CWH43: variants seen among roughly 807,000 people sequenced by gnomAD.
The protein encoded by CWH43 is PGAP2-interacting protein.
In CWH43, 91 loss-of-function variants were observed where a neutral mutation model predicts 85.7. The ratio of observed to expected loss-of-function variants is 1.06; its 90% CI spans 0.90 to 1.26. The LOEUF (loss-of-function observed/expected upper bound fraction) is 1.26. Among genes scored for constraint, CWH43 ranks in the 50% most tolerant of loss-of-function variants. The pLI is 0.00. For synonymous variants in CWH43, 323 were observed against 293.6 expected, an observed-to-expected ratio of 1.10 and a Z score of -1.02; for missense variants, 869 against 839.2, an observed-to-expected ratio of 1.04 and a Z score of -0.44.
At chr4:49,036,472 C>A (rs1231680235) in intron 12 of CWH43, among the ~76,000 whole-genome samples, 3 of 152,142 alleles carry the variant, frequency 2.0e-5, no homozygotes, top group African/African-American at 7.2e-5. Flanking sequence ...TTTAATAGCC[C>A]TCAGCTATTT....
chr4:49,040,371 A>G (rs1275747354), intron 13 of CWH43, among the ~76,000 whole-genome samples: 1 of 152,108 alleles, frequency 6.6e-6, no homozygotes, highest in Non-Finnish European at 1.5e-5. Flanking sequence ...AACAGTGTAA[A>G]AGTGTTCCTA....
rs143179470 is a variant in CWH43 at position 49,048,182 on chromosome 4, G to A, written c.1866-2512G>A. ...GTTTTAAAAAATGTTGGGAACCAAG[G>A]AACAGTGGTATTTATAGTAACTGGT... On this transcript the variant is annotated intron_variant, in intron 14 of 15. Coordinates refer to ENST00000226432, the MANE Select transcript of CWH43 (RefSeq NM_025087.3). 8.4e-3 allele frequency among the ~76,000 whole-genome samples: 1,280 copies of A among 152,124 alleles called. 3 individuals are homozygous for A. The highest frequency in any genetic ancestry group is 0.015 in the African/African-American group (628 of 41,498).
intron 9 of CWH43, among the ~76,000 whole-genome samples, chr4:49,024,628 C>T (rs1783846810): frequency 6.6e-6 from 1 of 152,110 alleles, no homozygotes; most frequent in Non-Finnish European, 1.5e-5. Flanking sequence ...TTGCTGGCTA[C>T]AAAATTCTTG....
chr4:49,017,503 G>T (rs1286228669), intron 9 of CWH43, among the ~76,000 whole-genome samples, 175 bp downstream of exon 9: 1 of 152,120 alleles, frequency 6.6e-6, no homozygotes, highest in Non-Finnish European at 1.5e-5. Context: ...TATGAAGTTG[G>T]GTTCTTGGAA....
chr4:49,051,405 A>T (rs1340347727), intron 15 of CWH43, among the ~76,000 whole-genome samples: 3 of 152,176 alleles, frequency 2.0e-5, no homozygotes, highest in African/African-American at 4.8e-5. Context: ...CTTTTAAAAA[A>T]TACCACTGCC....
At chr4:49,032,538 G>T (rs114894912) in intron 11 of CWH43, 28 bp from the exon 12 acceptor site, 7 of 1,612,658 alleles carry the variant, frequency 4.3e-6, no homozygotes, top group Non-Finnish European at 5.1e-6. Context: ...TGACAATGAT[G>T]CCCATGTCTC....
chr4:49,043,718 A>G (rs1343829263), intron 13 of CWH43, among the ~76,000 whole-genome samples: 1 of 152,188 alleles, frequency 6.6e-6, no homozygotes, highest in East Asian at 1.9e-4. Context: ...ACAAAATGAT[A>G]GTTAAATAGA....
intron 14 of CWH43, among the ~76,000 whole-genome samples, chr4:49,047,998 G>A (rs1255877055): frequency 6.6e-6 from 1 of 152,202 alleles, no homozygotes; most frequent in Non-Finnish European, 1.5e-5. Context: ...TGTTACGGTA[G>A]GAGAGAAGGT....
At chr4:49,027,074 T>C (rs1783939509) in intron 9 of CWH43, among the ~76,000 whole-genome samples, 2 of 152,236 alleles carry the variant, frequency 1.3e-5, no homozygotes, top group African/African-American at 2.4e-5. Context: ...AAATGATATA[T>C]GTCAATTTGG....
rs1440595471 is a variant in CWH43 at position 49,030,854 on chromosome 4, G to A, written c.1402G>A (p.Asp468Asn). 6.3e-7 allele frequency: 1 copy of A among 1,590,348 alleles called. No homozygotes were observed. Among genetic ancestry groups the A allele is most frequent in the Admixed American group, 1.8e-5 (1 of 54,056 alleles). The change falls in exon 11 of 16, where the codon GAT (aspartate) becomes AAT (asparagine). Residue 468 changes from aspartate (D) to asparagine (N), a missense_variant. Coordinates refer to ENST00000226432, the MANE Select transcript of CWH43 (RefSeq NM_025087.3). ...GADFITILES[D>N]ASKPYMGNND... ...AGATTTCATAACAATTTTGGAGAGT[G>A]ATGCTTCTAAGCCCTATATGGGGAA...
chr4:49,017,195 T>G (rs1783576521), intron 8 of CWH43, 54 bp from the exon 9 acceptor site: 3 of 1,475,640 alleles, frequency 2.0e-6, no homozygotes, highest in Non-Finnish European at 2.8e-6. Context: ...GTCAGCAAAT[T>G]TATTTTATTT....
chr4:49,028,739 GT>G lies in CWH43; in HGVS notation c.1372+6del. The G allele has an allele frequency of 6.4e-7, 1 of 1,570,712 alleles. No individual in the cohort carries two copies. Among genetic ancestry groups the G allele is most frequent in the Non-Finnish European group, 8.8e-7 (1 of 1,142,796 alleles). ...CTCACCTGCTCAATGAAACAGGTAA[GT>G]CTTCCTGGAATTAGTTCCAGGTTTT... On this transcript the variant is annotated splice_donor_region_variant and intron_variant, in intron 10 of 15. Coordinates refer to ENST00000226432, the MANE Select transcript of CWH43 (RefSeq NM_025087.3).
chr4:49,042,566 A>C (rs534156583), intron 13 of CWH43, among the ~76,000 whole-genome samples: 39 of 152,170 alleles, frequency 2.6e-4, no homozygotes, highest in Non-Finnish European at 5.4e-4. Context: ...AGAGTTATAG[A>C]TTAAGGAGTG....
rs762866902 is a variant in CWH43, at chr4:48,991,979, G to A, written c.400G>A (p.Val134Ile). The A allele has an allele frequency of 2.5e-6, 4 of 1,613,660 alleles. No homozygotes were observed. In the South Asian group the frequency reaches 3.3e-5, roughly 13 times the overall value. Residue 134 changes from valine to isoleucine, a missense_variant, in exon 4 of 16, where the codon GTT becomes ATT. Physicochemically the swap from Val to Ile is conservative, Grantham distance 29. Around this residue, in one of 3 missense-constraint regions of CWH43, gnomAD observed 152 missense variants for 203.6 expected, o/e 0.75. Transcript: ENST00000226432. ...WGFILGQIVL[V>I]VLRIWYTSLN... ...ATTCATTTTAGGACAGATTGTTCTT[G>A]TTGTTCTACGCATATGGTATACTTC...
At chr4:49,017,130 A>G (rs543759033) in intron 8 of CWH43, 119 bp from the exon 9 acceptor site, 971 of 850,074 alleles carry the variant, frequency 1.1e-3, no homozygotes, top group Non-Finnish European at 1.7e-3. Flanking sequence ...AGGTCCTCCA[A>G]GAAGAACTTC....
chr4:49,044,448 A>C (rs950333182), intron 13 of CWH43, among the ~76,000 whole-genome samples: 6 of 152,136 alleles, frequency 3.9e-5, no homozygotes, highest in African/African-American at 1.4e-4. Flanking sequence ...ATGACCAATG[A>C]AGGTGCAGTC....
intron 13 of CWH43, among the ~76,000 whole-genome samples, chr4:49,042,285 A>G (rs1784486868): frequency 6.6e-6 from 1 of 152,200 alleles, no homozygotes; most frequent in African/African-American, 2.4e-5. Context: ...CTGATTTCCA[A>G]TAGTGAGTAT....
Position 48,991,948 on chromosome 4 carries a change from T to A in CWH43, c.369T>A (p.Ile123=). The A allele has an allele frequency of 1.2e-6, 2 of 1,612,384 alleles. No homozygotes were observed. Among genetic ancestry groups the A allele is most frequent in the Non-Finnish European group, 1.7e-6 (2 of 1,178,804 alleles). Residue 123 remains isoleucine (I), a synonymous_variant, in exon 4 of 16, where the codon ATT becomes ATA. Coordinates refer to ENST00000226432, the MANE Select transcript of CWH43 (RefSeq NM_025087.3). ...TTTGCACTTACAGGTACCTCAGAAT[T>A]TGGGGATTCATTTTAGGACAGATTG... ...SGSHLQRYLR[I]WGFILGQIVL...
At chr4:48,987,032 T>C (rs1782517589) in intron 1 of CWH43, among the ~76,000 whole-genome samples, 1 of 152,074 alleles carries the variant, frequency 6.6e-6, no homozygotes, top group Non-Finnish European at 1.5e-5. Context: ...CTTTGCAAAA[T>C]CCCGAGGACA....
Sources: gnomAD v4.1 joint callset for allele counts (sites outside exome capture counted in the v4.1 genomes callset) on GRCh38, gnomAD v4.1.1 for gene constraint, gnomAD v4.1.1 regional missense constraint, MANE v1.5 for transcripts, NCBI Gene and HGNC (gene_info 2026-07-23, HGNC 2026-07-21) for gene names.